WNT6: variants seen among roughly 807,000 people sequenced by gnomAD.
The protein encoded by WNT6 is Wnt family member 6.
A neutral mutation model predicts 33.1 loss-of-function variants in WNT6; 27 were observed. That is an observed-to-expected ratio of 0.82 (90% confidence interval 0.60 to 1.12). The LOEUF (loss-of-function observed/expected upper bound fraction) is 1.12, where lower values mean the gene tolerates loss of function less well. Among genes scored for constraint, WNT6 ranks in the 50% most tolerant of loss-of-function variants. The pLI, the probability that WNT6 is intolerant of heterozygous loss-of-function variation, is 0.00. For synonymous variants in WNT6, 249 were observed against 242.8 expected, an observed-to-expected ratio of 1.03 and a Z score of -0.24; for missense variants, 494 against 535.3, an observed-to-expected ratio of 0.92 and a Z score of 0.76.
At chr2:218,861,091 T>C (rs982352269) in intron 1 of WNT6, among the ~76,000 whole-genome samples, 2 of 152,206 alleles carry the variant, frequency 1.3e-5, no homozygotes, top group Non-Finnish European at 2.9e-5. Context: ...TATTTGCATA[T>C]TGCCATGTGA....
chr2:218,866,084 G>GA (rs1245764829), intron 1 of WNT6, among the ~76,000 whole-genome samples: 8 of 46 alleles, frequency 0.17, no homozygotes, highest in East Asian at 0.5. Context: ...GCACAGGCCC[G>GA]GCCCAGCCGC....
chr2:218,873,242 C>T lies in WNT6; in HGVS notation c.637-142C>T. On this transcript the variant is annotated intron_variant, in intron 3 of 3. Coordinates refer to ENST00000233948, the MANE Select transcript of WNT6 (RefSeq NM_006522.4). This position sits in a 1 kb window ranked among gnomAD's most constrained non-coding sequence, Gnocchi z 6.1. ...GTTGTCCTTTCCTTGATTTCCTCCC[C>T]CTGAACTTGCGGTCTCCTTTTGTCT... 1 of 789,138 alleles carries T rather than the reference C, an allele frequency of 1.3e-6. No individual in the cohort carries two copies. The highest frequency in any genetic ancestry group is 2.0e-6 in the Non-Finnish European group (1 of 508,428). 48.9% of individuals were successfully genotyped at this position (789,138 alleles called of 1,614,324 possible). A position where few individuals can be genotyped will look rare whatever the true frequency, so the allele number is the denominator to read the frequency against.
rs563324665 is a variant in WNT6, at chr2:218,860,036, C to T, written c.-2C>T. The T allele has an allele frequency of 2.7e-6, 4 of 1,491,678 alleles. No individual in the cohort carries two copies. Among genetic ancestry groups the T allele is most frequent in the Admixed American group, 4.3e-5 (2 of 46,096 alleles). 92.4% of individuals were successfully genotyped at this position (1,491,678 alleles called of 1,614,324 possible). Reference sequence around the variant, plus strand: ...CACCCGGGCGGCCGTAGGGCGGTCACGATGCTGCCGCCCTTACCCTCCCGC... The same window carrying T: ...CACCCGGGCGGCCGTAGGGCGGTCATGATGCTGCCGCCCTTACCCTCCCGC... On this transcript the variant is annotated 5_prime_UTR_variant, in exon 1 of 4. In the 5' UTR this introduces an upstream ATG that the reference lacks. Transcript: ENST00000233948.
At chr2:218,863,667 G>A (rs1281172342) in intron 1 of WNT6, among the ~76,000 whole-genome samples, 1 of 152,148 alleles carries the variant, frequency 6.6e-6, no homozygotes, top group Non-Finnish European at 1.5e-5. Context: ...TGGCCAACAT[G>A]GTGAAACCCT....
chr2:218,859,970 C>A lies in WNT6; in HGVS notation c.-68C>A. 8.0e-7 allele frequency: 1 copy of A among 1,242,500 alleles called. No homozygotes were observed. Among genetic ancestry groups the A allele is most frequent in the Non-Finnish European group, 1.0e-6 (1 of 984,286 alleles). The allele number at this position is 1,242,500 out of a possible 1,614,324, so 77.0% of individuals were successfully genotyped here. A position where few individuals can be genotyped will look rare whatever the true frequency, so the allele number is the denominator to read the frequency against. ...GCCGCGCTCGCACTGAAGCCCGGGC[C>A]CTCGCGCGCCGCGGTTCGCCCCGCA... On this transcript the variant is annotated 5_prime_UTR_variant, in exon 1 of 4. Coordinates refer to ENST00000233948, the MANE Select transcript of WNT6 (RefSeq NM_006522.4).
Position 218,873,597 on chromosome 2 carries a change from C to T in WNT6, c.850C>T (p.Leu284Phe), listed in dbSNP as rs763122265. The change falls in exon 4 of 4, where the codon CTC becomes TTC. Residue 284 changes from leucine (L) to phenylalanine (F), a missense_variant. Coordinates refer to ENST00000233948, the MANE Select transcript of WNT6 (RefSeq NM_006522.4). The surrounding 1 kb of genome is among the most constrained non-coding windows in gnomAD (Gnocchi z 6.1). Reference protein sequence around the residue: ...RTLKPPGRADLLYAADSPDFC... With the variant: ...RTLKPPGRADFLYAADSPDFC... Reference sequence around the variant, plus strand: ...GCTCAAGCCGCCGGGCCGAGCGGACCTCCTCTACGCCGCCGATTCGCCCGA... The same window carrying T: ...GCTCAAGCCGCCGGGCCGAGCGGACTTCCTCTACGCCGCCGATTCGCCCGA... 5 of 1,555,210 alleles carry T rather than the reference C, an allele frequency of 3.2e-6. No homozygotes were observed.
Position 218,873,991 on chromosome 2 carries a change from G to A in WNT6, c.*146G>A, listed in dbSNP as rs970180452. The stretch of plus-strand genomic sequence containing the variant: ...CTCCCAGGGCTCTGGAAATGGTGAG[G>A]CGAGGGGCTTGAGAGGAACGCCCAC... On this transcript the variant is annotated 3_prime_UTR_variant, in exon 4 of 4. Transcript: ENST00000233948. The surrounding 1 kb of genome is among the most constrained non-coding windows in gnomAD (Gnocchi z 6.1). 2.3e-5 allele frequency: 22 copies of A among 967,980 alleles called. No homozygotes were observed. The highest frequency in any genetic ancestry group is 2.4e-5 in the Non-Finnish European group (17 of 698,666). The allele number at this position is 967,980 out of a possible 1,614,324, so 60.0% of individuals were successfully genotyped here.
In WNT6 at chr2:218,873,137, C is replaced by T. The variant is rs962901219; in HGVS notation, c.637-247C>T. 7.2e-5 allele frequency among the ~76,000 whole-genome samples: 11 copies of T among 152,236 alleles called. No homozygotes were observed. Among genetic ancestry groups the T allele is most frequent in the Middle Eastern group, 6.8e-3 (2 of 294 alleles). On this transcript the variant is annotated intron_variant, in intron 3 of 3. Coordinates refer to ENST00000233948, the MANE Select transcript of WNT6 (RefSeq NM_006522.4). This position sits in a 1 kb window ranked among gnomAD's most constrained non-coding sequence, Gnocchi z 6.1. ...GCCTTTGGACCCTGGAATCTCTGCGCTGCATATTGTCCCCGTCTCCCCTCT... is the reference window on the plus strand; with the variant it reads ...GCCTTTGGACCCTGGAATCTCTGCGTTGCATATTGTCCCCGTCTCCCCTCT...
chr2:218,871,139 C>T lies in WNT6; in HGVS notation c.193C>T (p.Leu65=). The T allele has an allele frequency of 1.9e-6, 3 of 1,613,834 alleles. No homozygotes were observed. Among genetic ancestry groups the T allele is most frequent in the East Asian group, 4.5e-5 (2 of 44,884 alleles). ...GGCTGAGCCGGAAGTGGTGGCAGAG[C>T]TAGCTCGGGGCGCCCGGCTCGGGGT... ...CQAEPEVVAE[L]ARGARLGVRE... Residue 65 remains leucine, a synonymous_variant, in exon 2 of 4, where the codon CTA becomes TTA. Coordinates refer to ENST00000233948, the MANE Select transcript of WNT6 (RefSeq NM_006522.4). This position sits in a 1 kb window ranked among gnomAD's most constrained non-coding sequence, Gnocchi z 6.4.
chr2:218,868,611 T>C (rs535207881), intron 1 of WNT6, among the ~76,000 whole-genome samples: 1 of 152,212 alleles, frequency 6.6e-6, no homozygotes, highest in African/African-American at 2.4e-5. Context: ...GAAAAGAGCA[T>C]GTTTGAGGAA....
At chr2:218,869,527 C>T (rs1419479953) in intron 1 of WNT6, among the ~76,000 whole-genome samples, 1 of 152,142 alleles carries the variant, frequency 6.6e-6, no homozygotes, top group East Asian at 1.9e-4. Flanking sequence ...CACCACCTAC[C>T]ACCATTCTCT....
chr2:218,861,965 C>T (rs189979201), intron 1 of WNT6, among the ~76,000 whole-genome samples: 1 of 152,300 alleles, frequency 6.6e-6, no homozygotes, highest in Admixed American at 6.5e-5. Context: ...TGTGTTGGTG[C>T]TGGAGATGGG....
chr2:218,864,171 G>A (rs1028815532), intron 1 of WNT6, among the ~76,000 whole-genome samples: 16 of 152,178 alleles, frequency 1.1e-4, no homozygotes, highest in African/African-American at 3.6e-4. Context: ...ACCTCCAATC[G>A]GTGGATGTAG....
chr2:218,861,279 G>A (rs890591917), intron 1 of WNT6, among the ~76,000 whole-genome samples: 1 of 152,204 alleles, frequency 6.6e-6, no homozygotes, highest in Non-Finnish European at 1.5e-5. Flanking sequence ...GGCGAACCGA[G>A]GACGACCCAG....
At chr2:218,862,744 C>T (rs1428314162) in intron 1 of WNT6, among the ~76,000 whole-genome samples, 4 of 151,744 alleles carry the variant, frequency 2.6e-5, no homozygotes, top group Non-Finnish European at 4.4e-5. Flanking sequence ...CTCGTTGTGT[C>T]GCCCAGGCTG....
At position 218,867,330 on chromosome 2, in the gene WNT6, G is replaced by T. The variant is rs1944361873; in HGVS notation, c.81-3697G>T. On this transcript the variant is annotated intron_variant, in intron 1 of 3. Coordinates refer to ENST00000233948, the MANE Select transcript of WNT6 (RefSeq NM_006522.4). The surrounding 1 kb of genome is among the most constrained non-coding windows in gnomAD (Gnocchi z 4.9). ...TGAAGTGGGTGGGGCTGAACTGGGT[G>T]ATCTCTGACATTGTTCTTGGCCCTC... 6.6e-6 allele frequency among the ~76,000 whole-genome samples: 1 copy of T among 152,174 alleles called. No homozygotes were observed. Among genetic ancestry groups the T allele is most frequent in the Admixed American group, 6.5e-5 (1 of 15,284 alleles).
chr2:218,861,122 C>T (rs1466011144), intron 1 of WNT6, among the ~76,000 whole-genome samples: 3 of 152,182 alleles, frequency 2.0e-5, no homozygotes, highest in Non-Finnish European at 2.9e-5. Flanking sequence ...GCCGACCCTC[C>T]GCTCCTCCCT....
In WNT6 at chr2:218,873,787, G is replaced by T; in HGVS notation, c.1040G>T (p.Cys347Phe). ...AACTGCCTGTGCCGCTTCCACTGGT[G>T]CTGCGTAGTACAGTGCCACCGCTGC... ...EENCLCRFHW[C>F]CVVQCHRCRV... The change falls in exon 4 of 4, where the codon TGC (cysteine) becomes TTC (phenylalanine). Residue 347 changes from cysteine to phenylalanine, a missense_variant. Physicochemically the swap from Cys to Phe is radical, Grantham distance 205. Transcript: ENST00000233948. This position sits in a 1 kb window ranked among gnomAD's most constrained non-coding sequence, Gnocchi z 6.1. 2 of 1,586,984 alleles carry T rather than the reference G, an allele frequency of 1.3e-6. No homozygotes were observed. The highest frequency in any genetic ancestry group is 8.5e-7 in the Non-Finnish European group (1 of 1,173,000).
intron 1 of WNT6, among the ~76,000 whole-genome samples, chr2:218,865,935 TG>T (rs910155677): frequency 3.6e-4 from 7 of 19,286 alleles, no homozygotes; most frequent in Admixed American, 1.8e-3. Context: ...ATGGGGTGGC[TG>T]GGGGGGCAGT....
Sources: gnomAD v4.1 joint callset for allele counts (sites outside exome capture counted in the v4.1 genomes callset) on GRCh38, gnomAD v4.1.1 for gene constraint, Gnocchi (gnomAD v3.1) non-coding constraint, MANE v1.5 for transcripts, NCBI Gene and HGNC (gene_info 2026-07-23, HGNC 2026-07-21) for gene names.